Variants in CAST observed in about 807,000 individuals in gnomAD.
CAST encodes the protein MIR583 host.
In CAST, 76 loss-of-function variants were observed where a neutral mutation model predicts 119.6. The ratio of observed to expected loss-of-function variants is 0.64; its 90% CI spans 0.53 to 0.77. The LOEUF is 0.77. Ranked by LOEUF, CAST falls within the 30% of genes least tolerant of loss-of-function variation. The pLI is 0.00. For synonymous variants in CAST, 319 were observed against 331.6 expected, an observed-to-expected ratio of 0.96 and a Z score of 0.41; for missense variants, 953 against 946.5, an observed-to-expected ratio of 1.01 and a Z score of -0.09.
At chr5:96,667,670 A>G (rs1191171267) in intron 1 of CAST, among the ~76,000 whole-genome samples, 2 of 152,242 alleles carry the variant, frequency 1.3e-5, no homozygotes, top group Non-Finnish European at 2.9e-5. Context: ...AATTACAGCT[A>G]TGCAGTTAAT....
the CAST span, among the ~76,000 whole-genome samples, chr5:96,484,195 A>G: frequency 2.0e-5 from 3 of 152,208 alleles, no homozygotes; most frequent in African/African-American, 7.2e-5. Context: ...AATTTCTCTA[A>G]GCCTACTCCT....
chr5:96,527,183 A>T (rs1402467502), upstream of CAST, among the ~76,000 whole-genome samples: 1 of 152,232 alleles, frequency 6.6e-6, no homozygotes, highest in East Asian at 1.9e-4. Context: ...TTCATTCTGT[A>T]TCTGTGAAGA....
the CAST span, among the ~76,000 whole-genome samples, chr5:95,967,827 C>T: frequency 6.6e-6 from 1 of 152,096 alleles, no homozygotes; most frequent in Non-Finnish European, 1.5e-5. Flanking sequence ...TGAGAACAGA[C>T]TAATACATAA....
the CAST span, among the ~76,000 whole-genome samples, chr5:96,099,408 T>G: frequency 6.6e-6 from 1 of 152,226 alleles, no homozygotes; most frequent in African/African-American, 2.4e-5. Context: ...GTGTTGATTT[T>G]CAAGGGGAAT....
intron 1 of CAST, among the ~76,000 whole-genome samples, chr5:96,617,673 T>A (rs1747492178): frequency 6.6e-6 from 1 of 151,322 alleles, no homozygotes; most frequent in Non-Finnish European, 1.5e-5. Flanking sequence ...GTGCCAGTAG[T>A]CCCAGCTACT....
At chr5:96,436,362 TAAC>T in the CAST span, among the ~76,000 whole-genome samples, 1 of 152,194 alleles carries the variant, frequency 6.6e-6, no homozygotes, top group Non-Finnish European at 1.5e-5. Context: ...ACAATTATGA[TAAC>T]AAAATAAAAT....
the CAST span, among the ~76,000 whole-genome samples, chr5:96,130,021 C>CTT: frequency 0.4 from 52,295 of 129,304 alleles, 11,917 homozygotes; most frequent in African/African-American, 0.58. Context: ...AACACACACA[C>CTT]TTTTTTTTTT....
the CAST span, among the ~76,000 whole-genome samples, chr5:96,502,081 T>TG: frequency 2.9e-5 from 4 of 136,660 alleles, no homozygotes. Flanking sequence ...TTGGAACATT[T>TG]GAAAAAAACA....
At chr5:96,757,690 T>G (rs1043333613) in intron 24 of CAST, 36 bp downstream of exon 24, 7 of 1,362,846 alleles carry the variant, frequency 5.1e-6, no homozygotes, top group Non-Finnish European at 5.1e-6. Flanking sequence ...TTCTTTAGTT[T>G]TTTTTTTTTT....
At chr5:96,195,054 G>A in the CAST span, among the ~76,000 whole-genome samples, 15,916 of 152,260 alleles carry the variant, frequency 0.1, 1,014 homozygotes, top group East Asian at 0.21. Flanking sequence ...TACACGAGAG[G>A]CTTTCATATA....
the CAST span, among the ~76,000 whole-genome samples, chr5:96,229,033 A>T: frequency 6.6e-6 from 1 of 152,048 alleles, no homozygotes; most frequent in Non-Finnish European, 1.5e-5. Flanking sequence ...ATGTGACCAT[A>T]GAATTCTAGG....
chr5:96,546,251 A>G (rs1402014915), intron 1 of CAST: 1 of 152,184 alleles, frequency 6.6e-6, no homozygotes, highest in African/African-American at 2.4e-5. Context: ...ACATCCCAGG[A>G]GGCCAAAGTC....
At chr5:96,108,966 G>A in the CAST span, among the ~76,000 whole-genome samples, 1 of 152,234 alleles carries the variant, frequency 6.6e-6, no homozygotes, top group Admixed American at 6.5e-5. Context: ...CGCAGTATTT[G>A]GGTGGGAGTG....
At chr5:96,594,778 C>T (rs1747027280) in intron 1 of CAST, among the ~76,000 whole-genome samples, 1 of 152,138 alleles carries the variant, frequency 6.6e-6, no homozygotes. Context: ...GTTTTCTATG[C>T]ACCACATTAA....
chr5:95,961,738 T>TGCCGCC, the CAST span: 20 of 1,580,496 alleles, frequency 1.3e-5, no homozygotes, highest in African/African-American at 2.8e-5. Context: ...CTCCCCGGGG[T>TGCCGCC]GCCGCCGCCG....
At chr5:96,412,764 T>TTGTTTTTTGTTTTTTG in the CAST span, among the ~76,000 whole-genome samples, 1 of 145,590 alleles carries the variant, frequency 6.9e-6, no homozygotes, top group African/African-American at 2.7e-5. Context: ...TTTTTTTTTT[T>TTGTTTTTTGTTTTTTG]TTTTTTTTTT....
At position 96,714,026 on chromosome 5, in the gene CAST, G is replaced by T. The variant is rs146690321; in HGVS notation, c.211-8613G>T. Among the ~76,000 whole-genome samples the T allele has an allele frequency of 2.6e-5, 4 of 152,208 alleles. No individual in the cohort carries two copies. The East Asian group carries it at 7.7e-4, about 29-fold the overall frequency. ...CACAGAATTACTCTGTCATTCTGAGGCCAAGCAAAGAAACTTTCGAGGCTG... is the reference window on the plus strand; with the variant it reads ...CACAGAATTACTCTGTCATTCTGAGTCCAAGCAAAGAAACTTTCGAGGCTG... On this transcript the variant is annotated intron_variant, in intron 3 of 31. Transcript: ENST00000675179.
chr5:96,488,658 G>C, the CAST span, among the ~76,000 whole-genome samples: 1 of 152,162 alleles, frequency 6.6e-6, no homozygotes, highest in Non-Finnish European at 1.5e-5. Flanking sequence ...CAGTGGAGAG[G>C]ACTCCGTTTC....
intron 1 of CAST, chr5:96,546,623 A>T (rs1345835063): frequency 6.6e-6 from 1 of 152,136 alleles, no homozygotes; most frequent in Non-Finnish European, 1.5e-5. Flanking sequence ...CTGCCAGAAG[A>T]TCCACACAGT....
Sources: allele counts gnomAD v4.1 joint callset (sites outside exome capture counted in the v4.1 genomes callset), GRCh38; gene constraint gnomAD v4.1.1; transcripts MANE v1.5; gene names NCBI Gene and HGNC (gene_info 2026-07-23, HGNC 2026-07-21).